Variants in GBP3 observed in about 807,000 individuals in gnomAD.
The protein encoded by GBP3 is guanylate binding protein 3.
A neutral mutation model predicts 62.4 loss-of-function variants in GBP3; 55 were observed. The observed-to-expected ratio is 0.88, with a 90% confidence interval of 0.71 to 1.10. The LOEUF is 1.10. GBP3 is among the 50% of genes least tolerant of loss of function. The pLI, the probability that GBP3 is intolerant of heterozygous loss-of-function variation, is 0.00. For synonymous variants in GBP3, 208 were observed against 259.2 expected, an observed-to-expected ratio of 0.80 and a Z score of 1.90; for missense variants, 605 against 690.6, an observed-to-expected ratio of 0.88 and a Z score of 1.39.
chr1:89,020,781 T>A, intron 1 of GBP3, 38 bp from the exon 2 acceptor site: 2 of 1,561,286 alleles, frequency 1.3e-6, no homozygotes, highest in Non-Finnish European at 1.7e-6. Flanking sequence ...GAATTTCCAG[T>A]CTTTTGCATT....
rs551154999 is a variant in GBP3, at chr1:89,006,952, C to T, written c.*772G>A. On this transcript the variant is annotated 3_prime_UTR_variant, in exon 11 of 11. Coordinates refer to ENST00000370481, the MANE Select transcript of GBP3 (RefSeq NM_018284.3). ...AAACAATCAAATAATTAAATTAGTTCAATTTTCTAACATAGTCTCTATCTT... is the reference window on the plus strand; with the variant it reads ...AAACAATCAAATAATTAAATTAGTTTAATTTTCTAACATAGTCTCTATCTT... 6.6e-6 allele frequency: 1 copy of T among 152,142 alleles called. No individual in the cohort carries two copies. Among genetic ancestry groups the T allele is most frequent in the African/African-American group, 2.4e-5 (1 of 41,434 alleles). The allele number at this position is 152,142 out of a possible 1,614,324, so 9.4% of individuals were successfully genotyped here.
In GBP3 at chr1:89,007,857, A is replaced by G. The variant is rs1407429012; in HGVS notation, c.1660-5T>C. ...CTTTAGTACTCGGGCCTGTTCCTAA[A>G]AAGGGACAAATGGAGGCTAAATAAG... On this transcript the variant is annotated splice_region_variant and splice_polypyrimidine_tract_variant and intron_variant, in intron 10 of 10. Transcript: ENST00000370481. 1 of 1,609,866 alleles carries G rather than the reference A, an allele frequency of 6.2e-7. No homozygotes were observed. Among genetic ancestry groups the G allele is most frequent in the Non-Finnish European group, 8.5e-7 (1 of 1,178,610 alleles).
intron 2 of GBP3, among the ~76,000 whole-genome samples, chr1:89,016,292 G>A (rs1678884045): frequency 6.6e-6 from 1 of 152,146 alleles, no homozygotes; most frequent in African/African-American, 2.4e-5. Flanking sequence ...TGATCACAAG[G>A]TCAGCAGATC....
chr1:89,013,750 G>A (rs1678719021), intron 5 of GBP3: 1 of 399,366 alleles, frequency 2.5e-6, no homozygotes, highest in Non-Finnish European at 4.4e-6. Context: ...ATATTTTACA[G>A]GTAAATACAG....
chr1:89,009,012 T>A lies in GBP3; in HGVS notation c.1594A>T (p.Lys532Ter). Residue 532 changes from lysine (K) to a stop codon, truncating the protein, a stop_gained, in exon 10 of 11, where the codon AAG becomes TAG. Transcript: ENST00000370481. LOFTEE classifies it high-confidence loss of function. ...YQEHVKQLTEKMERERAQLLE... is the reference protein window; with the variant it reads ...YQEHVKQLTE ...AACTGGGCCCTCTCCCTCTCCATCTTCTCAGTCAATTGTTTCACATGTTCT... is the reference window on the plus strand; with the variant it reads ...AACTGGGCCCTCTCCCTCTCCATCTACTCAGTCAATTGTTTCACATGTTCT... The A allele has an allele frequency of 6.2e-7, 1 of 1,614,234 alleles. No homozygotes were observed. Among genetic ancestry groups the A allele is most frequent in the African/African-American group, 1.3e-5 (1 of 75,068 alleles).
At position 89,009,194 on chromosome 1, in the gene GBP3, G is replaced by A. The variant is rs867572188; in HGVS notation, c.1466-54C>T. The A allele has an allele frequency of 2.6e-5, 41 of 1,553,222 alleles. No individual in the cohort carries two copies. In the African/African-American group the frequency reaches 3.7e-4, roughly 14 times the overall value. On this transcript the variant is annotated intron_variant, in intron 9 of 10. Coordinates refer to ENST00000370481, the MANE Select transcript of GBP3 (RefSeq NM_018284.3). ...GAGTTATCTTGTTGCCTCATTCTTAGTTATACACTTACCCTCCATTGTTGC... is the reference window on the plus strand; with the variant it reads ...GAGTTATCTTGTTGCCTCATTCTTAATTATACACTTACCCTCCATTGTTGC...
intron 1 of GBP3, among the ~76,000 whole-genome samples, chr1:89,021,345 AT>A (rs1679178579): frequency 6.6e-6 from 1 of 152,176 alleles, no homozygotes; most frequent in Non-Finnish European, 1.5e-5. Context: ...TGTGAAACAC[AT>A]GGCTAGGGAC....
In GBP3 at chr1:89,007,806, T is replaced by C; in HGVS notation, c.1706A>G (p.Gln569Arg). Residue 569 changes from glutamine to arginine, a missense_variant, in exon 11 of 11, where the codon CAA (glutamine) becomes CGA (arginine). Gln to Arg is a conservative substitution (Grantham distance 43). Coordinates refer to ENST00000370481, the MANE Select transcript of GBP3 (RefSeq NM_018284.3). ...LKERCQGEST[Q>R]LQNEIQKLQK... is the part of the protein sequence containing the mutation. Reference sequence around the variant, plus strand: ...TAGCTTTTGTATCTCATTTTGAAGTTGGGTACTTTCACCTTGGCATCTCTC... The same window carrying C: ...TAGCTTTTGTATCTCATTTTGAAGTCGGGTACTTTCACCTTGGCATCTCTC... 1 of 1,613,914 alleles carries C rather than the reference T, an allele frequency of 6.2e-7. No homozygotes were observed. The highest frequency in any genetic ancestry group is 8.5e-7 in the Non-Finnish European group (1 of 1,179,830).
At chr1:89,021,610 A>T (rs1679223531) in intron 1 of GBP3, among the ~76,000 whole-genome samples, 1 of 152,080 alleles carries the variant, frequency 6.6e-6, no homozygotes, top group African/African-American at 2.4e-5. Context: ...AAGGACTGAA[A>T]GACCAGGAAG....
intron 5 of GBP3, 39 bp downstream of exon 5, chr1:89,014,043 GT>G (rs1202641648): frequency 6.3e-7 from 1 of 1,588,312 alleles, no homozygotes; most frequent in South Asian, 1.1e-5. Flanking sequence ...AATTTCTAGT[GT>G]TTTGTCGTCC....
chr1:89,008,441 A>G (rs1473262530), intron 10 of GBP3, among the ~76,000 whole-genome samples: 3 of 149,020 alleles, frequency 2.0e-5, no homozygotes, highest in Admixed American at 6.8e-5. Flanking sequence ...ACTGCCCTAC[A>G]GGTGTGAGGG....
chr1:89,009,023 T>C lies in GBP3; in HGVS notation c.1583A>G (p.Gln528Arg). Residue 528 changes from glutamine (Q) to arginine (R), a missense_variant, in exon 10 of 11, where the codon CAA (glutamine) becomes CGA (arginine). Coordinates refer to ENST00000370481, the MANE Select transcript of GBP3 (RefSeq NM_018284.3). ...KEKSYQEHVK[Q>R]LTEKMERERA... ...CTCCCTCTCCATCTTCTCAGTCAAT[T>C]GTTTCACATGTTCTTGATAACTCTT... 6.2e-7 allele frequency: 1 copy of C among 1,614,220 alleles called. No individual in the cohort carries two copies. Among genetic ancestry groups the C allele is most frequent in the Non-Finnish European group, 8.5e-7 (1 of 1,180,020 alleles).
rs758505588 is a variant in GBP3, at chr1:89,020,695, G to A, written c.27C>T (p.Gly9=). 1 of 1,614,124 alleles carries A rather than the reference G, an allele frequency of 6.2e-7. No homozygotes were observed. The highest frequency in any genetic ancestry group is 1.1e-5 in the South Asian group (1 of 91,084). MAPEIHMT[G]PMCLIENTNG... ...TAGTGTTCTCAATGAGGCACATTGG[G>A]CCTGTCATGTGGATCTCTGGAGCCA... Residue 9 remains glycine (G), a synonymous_variant, in exon 2 of 11, where the codon GGC becomes GGT. Transcript: ENST00000370481.
chr1:89,014,163 T>A lies in GBP3; in HGVS notation c.545A>T (p.Asp182Val). ...FFPDFVWTLRDFSLDLEADGQ... is the reference protein window; with the variant it reads ...FFPDFVWTLRVFSLDLEADGQ... Reference sequence around the variant, plus strand: ...ATCTGCTTCCAAGTCCAGGGAGAAATCTCTCAGTGTCCACACAAAATCTGG... The same window carrying A: ...ATCTGCTTCCAAGTCCAGGGAGAAAACTCTCAGTGTCCACACAAAATCTGG... Residue 182 changes from aspartate to valine, a missense_variant, in exon 5 of 11, where the codon GAT becomes GTT. By Grantham distance (152) the Asp-to-Val change is radical (BLOSUM62 -3). Coordinates refer to ENST00000370481, the MANE Select transcript of GBP3 (RefSeq NM_018284.3). 6.2e-7 allele frequency: 1 copy of A among 1,614,152 alleles called. No individual in the cohort carries two copies. Among genetic ancestry groups the A allele is most frequent in the Non-Finnish European group, 8.5e-7 (1 of 1,180,014 alleles).
In GBP3 at chr1:89,009,395, CA is replaced by C; in HGVS notation, c.1461del (p.Ile487MetfsTer6). 1.9e-6 allele frequency: 3 copies of C among 1,613,744 alleles called. No individual in the cohort carries two copies. Among genetic ancestry groups the C allele is most frequent in the Non-Finnish European group, 2.5e-6 (3 of 1,179,664 alleles). ...GATCCTTTGACTTGCTCCTCACCTTCAATCTCCTTTTCCTTTTCTGTGAGAA... is the reference window on the plus strand; with the variant it reads ...GATCCTTTGACTTGCTCCTCACCTTCATCTCCTTTTCCTTTTCTGTGAGAA... ...DQILTEKEKE[I>X]EVECVKAESA... On this transcript the variant is annotated frameshift_variant, in exon 9 of 11. Transcript: ENST00000370481. LOFTEE classifies it high-confidence loss of function.
Position 89,007,471 on chromosome 1 carries a change from G to T in GBP3, c.*253C>A. 2.8e-6 allele frequency: 1 copy of T among 353,262 alleles called. No homozygotes were observed. The highest frequency in any genetic ancestry group is 4.4e-5 in the South Asian group (1 of 22,902). 21.9% of individuals were successfully genotyped at this position (353,262 alleles called of 1,614,324 possible). A position where few individuals can be genotyped will look rare whatever the true frequency, so the allele number is the denominator to read the frequency against. On this transcript the variant is annotated 3_prime_UTR_variant, in exon 11 of 11. Transcript: ENST00000370481. ...TTCCTCAGTATCCACTGGTCGTCTG[G>T]AAGAATAAACTTCTGAGTGGTGGCA...
intron 1 of GBP3, among the ~76,000 whole-genome samples, chr1:89,021,690 C>T (rs1679226673): frequency 6.6e-6 from 1 of 151,262 alleles, no homozygotes. Flanking sequence ...TTTAGGTTTT[C>T]TGTTTTGTTC....
intron 1 of GBP3, 67 bp from the exon 2 acceptor site, chr1:89,020,810 A>T: frequency 6.8e-7 from 1 of 1,459,976 alleles, no homozygotes; most frequent in East Asian, 2.3e-5. Flanking sequence ...AGAGTCACAG[A>T]ATTCCCCAGG....
rs984727634 is a variant in GBP3 at position 89,007,210 on chromosome 1, G to T, written c.*514C>A. 6.6e-6 allele frequency: 1 copy of T among 152,162 alleles called. No homozygotes were observed. The highest frequency in any genetic ancestry group is 2.1e-4 in the South Asian group (1 of 4,832). 9.4% of individuals were successfully genotyped at this position (152,162 alleles called of 1,614,324 possible). A position where few individuals can be genotyped will look rare whatever the true frequency, so the allele number is the denominator to read the frequency against. On this transcript the variant is annotated 3_prime_UTR_variant, in exon 11 of 11. Transcript: ENST00000370481. ...CTTTACCTTCCTATGGAAAATATAA[G>T]ATTCTAGATCTCTGTATAAGATGGT...
Sources: allele counts gnomAD v4.1 joint callset (sites outside exome capture counted in the v4.1 genomes callset), GRCh38; gene constraint gnomAD v4.1.1; transcripts MANE v1.5; gene names NCBI Gene and HGNC (gene_info 2026-07-23, HGNC 2026-07-21).